Variants in PARK7 observed in about 807,000 individuals in gnomAD.
The protein encoded by PARK7 is Parkinson disease protein 7.
In PARK7, 14 loss-of-function variants were observed where a neutral mutation model predicts 20.5. That is an observed-to-expected ratio of 0.68 (90% CI 0.45 to 1.07). PARK7 has a LOEUF of 1.07. PARK7 is among the 50% of genes least tolerant of loss of function. The pLI, the probability that PARK7 is intolerant of heterozygous loss-of-function variation, is 0.00. For missense variants in PARK7, 234 were observed against 238.1 expected (o/e 0.98, Z 0.11); for synonymous variants, 98 against 84.3 (o/e 1.16, Z -0.89).
intron 4 of PARK7, 38 bp downstream of exon 4, chr1:7,969,442 G>T (rs752484354): frequency 4.0e-6 from 4 of 993,306 alleles, no homozygotes; most frequent in South Asian, 4.0e-5. Flanking sequence ...AATAAAGCTG[G>T]GGGGGGGGAA....
At chr1:7,973,791 C>T (rs1640513376) in intron 5 of PARK7, among the ~76,000 whole-genome samples, 1 of 151,842 alleles carries the variant, frequency 6.6e-6, no homozygotes, top group Admixed American at 6.6e-5. Context: ...GCCTGTCGTC[C>T]TAGCTACTTG....
intron 3 of PARK7, chr1:7,969,087 A>G (rs1247754807): frequency 4.7e-6 from 2 of 422,414 alleles, no homozygotes; most frequent in Admixed American, 7.6e-5. Context: ...TTTTACAGGA[A>G]GGAGATTATA....
Position 7,962,758 on chromosome 1 carries a change from T to G in PARK7, c.-23-5T>G. On this transcript the variant is annotated splice_region_variant and splice_polypyrimidine_tract_variant and intron_variant, in intron 1 of 6. Transcript: ENST00000338639. The stretch of plus-strand genomic sequence containing the variant: ...TTGAAATCTTTTTTTTTTTTTTTTT[T>G]TAAGGCTTGTAAACATATAACATAA... The G allele has an allele frequency of 6.6e-7, 1 of 1,510,090 alleles. No individual in the cohort carries two copies. Among genetic ancestry groups the G allele is most frequent in the Non-Finnish European group, 9.1e-7 (1 of 1,102,628 alleles). 93.5% of individuals were successfully genotyped at this position (1,510,090 alleles called of 1,614,324 possible). A position where few individuals can be genotyped will look rare whatever the true frequency, so the allele number is the denominator to read the frequency against.
chr1:7,969,178 C>A, intron 3 of PARK7, 167 bp from the exon 4 acceptor site: 1 of 602,180 alleles, frequency 1.7e-6, no homozygotes, highest in Non-Finnish European at 2.9e-6. Context: ...AGTTAAAACA[C>A]CATTCCGTCA....
At chr1:7,970,149 T>C (rs1015010156) in intron 4 of PARK7, among the ~76,000 whole-genome samples, 1 of 152,078 alleles carries the variant, frequency 6.6e-6, no homozygotes, top group Non-Finnish European at 1.5e-5. Flanking sequence ...GAGCTGTGAA[T>C]GCACCACTGC....
At chr1:7,973,527 A>G (rs1640507073) in intron 5 of PARK7, among the ~76,000 whole-genome samples, 1 of 152,194 alleles carries the variant, frequency 6.6e-6, no homozygotes, top group South Asian at 2.1e-4. Context: ...CAGCCTGGCC[A>G]CCATGGTGAA....
intron 3 of PARK7, among the ~76,000 whole-genome samples, chr1:7,968,231 C>T (rs551929168): frequency 6.8e-6 from 1 of 147,926 alleles, no homozygotes; most frequent in Non-Finnish European, 1.5e-5. Flanking sequence ...TCGCTTGAAT[C>T]CGGGAGACGG....
At chr1:7,967,153 G>A (rs868522365) in intron 3 of PARK7, among the ~76,000 whole-genome samples, 1 of 152,108 alleles carries the variant, frequency 6.6e-6, no homozygotes, top group African/African-American at 2.4e-5. Context: ...TCACATATGA[G>A]TGAGAACATG....
chr1:7,973,886 C>T (rs868269634), intron 5 of PARK7, among the ~76,000 whole-genome samples: 6 of 144,702 alleles, frequency 4.1e-5, no homozygotes, highest in South Asian at 2.1e-4. Context: ...CCAGCCTGAG[C>T]GACAGAGCAA....
intron 4 of PARK7, among the ~76,000 whole-genome samples, chr1:7,970,284 G>T (rs376695511): frequency 1.3e-5 from 2 of 152,302 alleles, no homozygotes; most frequent in East Asian, 3.9e-4. Flanking sequence ...AAAGTAAGAT[G>T]ATTTGGTTTT....
rs760394545 is a variant in PARK7 at position 7,969,425 on chromosome 1, A to C, written c.252+21A>C. ...CTGAGGTAAAAAATTCTACTCAATTATACCTCAATAAAGCTGGGGGGGGGG... is the reference window on the plus strand; with the variant it reads ...CTGAGGTAAAAAATTCTACTCAATTCTACCTCAATAAAGCTGGGGGGGGGG... On this transcript the variant is annotated intron_variant, in intron 4 of 6. Transcript: ENST00000338639. The C allele has an allele frequency of 1.1e-5, 12 of 1,116,662 alleles. No homozygotes were observed. In the Admixed American group the frequency reaches 1.6e-4, roughly 15 times the overall value. The allele number at this position is 1,116,662 out of a possible 1,614,324, so 69.2% of individuals were successfully genotyped here. A position where few individuals can be genotyped will look rare whatever the true frequency, so the allele number is the denominator to read the frequency against.
Position 7,982,385 on chromosome 1 carries a change from G to A in PARK7, c.410-2509G>A, listed in dbSNP as rs1189580554. Among the ~76,000 whole-genome samples, 3 of 152,180 alleles carry A rather than the reference G, an allele frequency of 2.0e-5. No individual in the cohort carries two copies. The East Asian group carries it at 5.8e-4, about 29-fold the overall frequency. The stretch of plus-strand genomic sequence containing the variant: ...ATGCCTTCTGCTGGTTGAACGGGAA[G>A]TGTAAAATCTGAATTCGCTATAGGG... On this transcript the variant is annotated intron_variant, in intron 6 of 6. Transcript: ENST00000338639.
At chr1:7,969,446 G>A (rs779634316) in intron 4 of PARK7, 42 bp downstream of exon 4, 1 of 930,088 alleles carries the variant, frequency 1.1e-6, no homozygotes. Flanking sequence ...AAGCTGGGGG[G>A]GGGGAAAAAC....
At chr1:7,977,831 C>T (rs920771458) in intron 6 of PARK7, 93 bp downstream of exon 6, 2 of 1,076,280 alleles carry the variant, frequency 1.9e-6, no homozygotes. Flanking sequence ...GTGATCTTGG[C>T]TTACTGCAAT....
At position 7,971,165 on chromosome 1, in the gene PARK7, G is replaced by A. The variant is rs903701536; in HGVS notation, c.322+202G>A. On this transcript the variant is annotated intron_variant, in intron 5 of 6. Transcript: ENST00000338639. ...CTGTTTTCTGCCTCTCCATGCCTTTGGTCTACATGCTGTGAAACTTAGTGT... is the reference window on the plus strand; with the variant it reads ...CTGTTTTCTGCCTCTCCATGCCTTTAGTCTACATGCTGTGAAACTTAGTGT... The A allele has an allele frequency of 2.3e-4, 150 of 650,044 alleles. 1 individual carries two copies. The highest frequency in any genetic ancestry group is 2.1e-4 in the Admixed American group (9 of 43,724). 40.3% of individuals were successfully genotyped at this position (650,044 alleles called of 1,614,324 possible).
intron 2 of PARK7, among the ~76,000 whole-genome samples, 191 bp from the exon 3 acceptor site, chr1:7,965,133 T>G (rs568497306): frequency 6.6e-6 from 1 of 152,266 alleles, no homozygotes; most frequent in South Asian, 2.1e-4. Context: ...TCCCAGCTAC[T>G]TGGGAGGCTG....
chr1:7,981,826 T>C (rs560183048), intron 6 of PARK7, among the ~76,000 whole-genome samples: 3 of 151,812 alleles, frequency 2.0e-5, no homozygotes, highest in African/African-American at 7.2e-5. Flanking sequence ...GCCTGGCTTA[T>C]TTTTTGTATT....
chr1:7,972,193 G>A (rs1209284270), intron 5 of PARK7, among the ~76,000 whole-genome samples: 1 of 152,194 alleles, frequency 6.6e-6, no homozygotes, highest in Non-Finnish European at 1.5e-5. Flanking sequence ...CAGGTGTGGT[G>A]GCTCATGCCT....
At chr1:7,970,748 A>G (rs1293612955) in intron 4 of PARK7, 146 bp from the exon 5 acceptor site, 2 of 779,498 alleles carry the variant, frequency 2.6e-6, no homozygotes, top group Non-Finnish European at 4.4e-6. Context: ...GATCATTTTT[A>G]TACCAATGAT....
Sources: gnomAD v4.1 joint callset for allele counts (sites outside exome capture counted in the v4.1 genomes callset) on GRCh38, gnomAD v4.1.1 for gene constraint, MANE v1.5 for transcripts, NCBI Gene and HGNC (gene_info 2026-07-23, HGNC 2026-07-21) for gene names.